Variants in RERE observed in about 807,000 individuals in gnomAD.
The protein encoded by RERE is arginine-glutamic acid dipeptide repeats protein.
Under a neutral mutation model 146.1 loss-of-function variants are expected in RERE, and 40 were observed. That is an observed-to-expected ratio of 0.27 (90% confidence interval 0.21 to 0.36). The LOEUF is 0.36. Ranked by LOEUF, RERE falls within the 10% of genes least tolerant of loss-of-function variation. The probability of loss-of-function intolerance (pLI) is 1.00; values close to 1 mark genes in which losing one functional copy is unlikely to be tolerated. For missense variants in RERE, 1,933 were observed against 2,138.7 expected (o/e 0.90, Z 1.90); for synonymous variants, 1,003 against 866.0 (o/e 1.16, Z -2.78).
intron 4 of RERE, among the ~76,000 whole-genome samples, chr1:8,610,205 T>C (rs1053346580): frequency 6.6e-6 from 1 of 152,062 alleles, no homozygotes. Context: ...TCCAGAAAAA[T>C]GTACATATAT....
chr1:8,505,633 C>G (rs1001382137), intron 8 of RERE, among the ~76,000 whole-genome samples: 1 of 152,134 alleles, frequency 6.6e-6, no homozygotes, highest in Admixed American at 6.6e-5. Context: ...TAGGCTCAAG[C>G]AATCCTCCCA....
At chr1:8,654,776 G>T (rs1414646458) in intron 2 of RERE, among the ~76,000 whole-genome samples, 2 of 151,866 alleles carry the variant, frequency 1.3e-5, no homozygotes, top group East Asian at 3.9e-4. Flanking sequence ...TGGGACTACA[G>T]GTGTGTGCCA....
intron 12 of RERE, among the ~76,000 whole-genome samples, chr1:8,399,226 T>C (rs772641621): frequency 2.6e-5 from 4 of 152,142 alleles, no homozygotes; most frequent in Non-Finnish European, 5.9e-5. Context: ...AGTCTTAATA[T>C]AGATAAATAT....
intron 11 of RERE, among the ~76,000 whole-genome samples, chr1:8,449,991 C>T (rs1644371146): frequency 6.6e-6 from 1 of 152,166 alleles, no homozygotes; most frequent in African/African-American, 2.4e-5. Context: ...AGTTTATCCT[C>T]CTCATGGCAT....
At chr1:8,621,238 C>T (rs1249369363) in intron 3 of RERE, among the ~76,000 whole-genome samples, 1 of 152,112 alleles carries the variant, frequency 6.6e-6, no homozygotes, top group Non-Finnish European at 1.5e-5. Flanking sequence ...TTCTATACCA[C>T]AGACTCGATT....
chr1:8,591,116 G>C (rs927129249), intron 4 of RERE, among the ~76,000 whole-genome samples: 1 of 152,168 alleles, frequency 6.6e-6, no homozygotes, highest in East Asian at 1.9e-4. Context: ...AGAGAAGGCT[G>C]CAAGAGATTT....
chr1:8,709,533 T>C (rs1287987277), intron 1 of RERE, among the ~76,000 whole-genome samples: 1 of 152,194 alleles, frequency 6.6e-6, no homozygotes, highest in Admixed American at 6.5e-5. Context: ...AGCATGCACA[T>C]ATACATAAAA....
intron 8 of RERE, among the ~76,000 whole-genome samples, chr1:8,503,209 G>A (rs1384993389): frequency 6.6e-6 from 1 of 152,000 alleles, no homozygotes; most frequent in Non-Finnish European, 1.5e-5. Context: ...CTATCATACT[G>A]ACATAAAGCC....
chr1:8,385,669 T>C (rs1299878134), intron 12 of RERE, among the ~76,000 whole-genome samples: 2 of 151,916 alleles, frequency 1.3e-5, no homozygotes, highest in Admixed American at 6.6e-5. Flanking sequence ...GGAGAGCTTT[T>C]ATTTCTTGAA....
intron 12 of RERE, among the ~76,000 whole-genome samples, chr1:8,395,397 C>A (rs1387408477): frequency 6.6e-6 from 1 of 151,690 alleles, no homozygotes; most frequent in East Asian, 1.9e-4. Flanking sequence ...ATAGCTTGAA[C>A]CCGGGAGGCA....
intron 2 of RERE, among the ~76,000 whole-genome samples, chr1:8,645,905 G>C (rs958673738): frequency 6.6e-6 from 1 of 152,130 alleles, no homozygotes; most frequent in African/African-American, 2.4e-5. Context: ...TCAACTAAAA[G>C]ATGAAATAAA....
At chr1:8,368,342 C>A (rs1209821028) in intron 12 of RERE, among the ~76,000 whole-genome samples, 2 of 152,058 alleles carry the variant, frequency 1.3e-5, no homozygotes, top group Non-Finnish European at 2.9e-5. Context: ...GGCCTGGTGG[C>A]AGATGCCTGT....
chr1:8,563,261 G>A (rs1312229149), intron 4 of RERE, among the ~76,000 whole-genome samples: 1 of 152,172 alleles, frequency 6.6e-6, no homozygotes. Flanking sequence ...CAGCCTCAGG[G>A]CAATGTTTTT....
intron 3 of RERE, among the ~76,000 whole-genome samples, chr1:8,616,289 TAA>T (rs1646851977): frequency 6.6e-6 from 1 of 152,184 alleles, no homozygotes; most frequent in Non-Finnish European, 1.5e-5. Context: ...TTATATATTT[TAA>T]AGAGGCATTT....
intron 1 of RERE, among the ~76,000 whole-genome samples, chr1:8,675,181 C>T (rs1638805970): frequency 6.6e-6 from 1 of 152,132 alleles, no homozygotes; most frequent in Admixed American, 6.6e-5. Flanking sequence ...TGACTAACTG[C>T]CTAGAGACGT....
rs70982802 is a variant in RERE, at chr1:8,627,597, C to CAA, written c.326-3219_326-3218dup. On this transcript the variant is annotated intron_variant, in intron 2 of 22. Transcript: ENST00000400908. Reference sequence around the variant, plus strand: ...AGCCTGGGTGACAGTGAAACTGTCTCAAAAAAAAAAAAAAACCTGAAATAA... The same window carrying CAA: ...AGCCTGGGTGACAGTGAAACTGTCTCAAAAAAAAAAAAAAAAACCTGAAATAA... Among the ~76,000 whole-genome samples, 493 of 125,170 alleles carry CAA rather than the reference C, an allele frequency of 3.9e-3. 2 individuals carry two copies. The highest frequency in any genetic ancestry group is 0.015 in the Middle Eastern group (3 of 196). 82.1% of individuals were successfully genotyped at this position (125,170 alleles called of 152,430 possible). A position where few individuals can be genotyped will look rare whatever the true frequency, so the allele number is the denominator to read the frequency against.
chr1:8,539,310 T>A lies in RERE; in HGVS notation c.830+1904A>T, dbSNP rs185152891. On this transcript the variant is annotated intron_variant, in intron 7 of 22. Coordinates refer to ENST00000400908, the MANE Select transcript of RERE (RefSeq NM_001042681.2). ...CAAAATATCAGATGCTTAAGAAATA[T>A]TACCACTGACCAGCTTCTTTATCAT... Among the ~76,000 whole-genome samples the A allele has an allele frequency of 3.3e-5, 5 of 152,338 alleles. No homozygotes were observed. The East Asian group carries it at 9.6e-4, about 29-fold the overall frequency.
intron 1 of RERE, among the ~76,000 whole-genome samples, chr1:8,740,996 G>C (rs544291600): frequency 2.8e-4 from 43 of 152,228 alleles, no homozygotes; most frequent in African/African-American, 1.0e-3. Flanking sequence ...CAAGTATTAC[G>C]TACTGTCCAC....
chr1:8,606,447 C>T (rs1299353811), intron 4 of RERE, among the ~76,000 whole-genome samples: 1 of 151,876 alleles, frequency 6.6e-6, no homozygotes, highest in East Asian at 1.9e-4. Flanking sequence ...AAAAAAATTA[C>T]CAAGGAATAA....
Sources: allele counts gnomAD v4.1 joint callset (sites outside exome capture counted in the v4.1 genomes callset), GRCh38; gene constraint gnomAD v4.1.1; transcripts MANE v1.5; gene names NCBI Gene and HGNC (gene_info 2026-07-23, HGNC 2026-07-21).